BCHE: variants seen among roughly 807,000 people sequenced by gnomAD.
The protein encoded by BCHE is butyrylcholinesterase.
In BCHE, 48 loss-of-function variants were observed where a neutral mutation model predicts 51.3. The ratio of observed to expected loss-of-function variants is 0.94; its 90% CI spans 0.74 to 1.19. BCHE has a LOEUF of 1.19. Among genes scored for constraint, BCHE ranks in the 50% most tolerant of loss-of-function variants. The pLI is 0.00. For missense variants in BCHE, 847 were observed against 708.2 expected (o/e 1.20, Z -2.23); for synonymous variants, 251 against 238.0 (o/e 1.05, Z -0.50).
chr3:165,811,845 T>C (rs1338877045), intron 2 of BCHE, among the ~76,000 whole-genome samples: 2 of 151,922 alleles, frequency 1.3e-5, no homozygotes, highest in South Asian at 2.1e-4. Flanking sequence ...AGTGACAAGG[T>C]AGCTAGGTGG....
At chr3:165,821,615 T>C (rs1714521230) in intron 2 of BCHE, among the ~76,000 whole-genome samples, 1 of 151,940 alleles carries the variant, frequency 6.6e-6, no homozygotes, top group Admixed American at 6.6e-5. Flanking sequence ...TTGAGTGTAT[T>C]TCAGGTACTT....
intron 2 of BCHE, among the ~76,000 whole-genome samples, chr3:165,797,983 C>T (rs1295450361): frequency 6.6e-6 from 1 of 152,142 alleles, no homozygotes; most frequent in Non-Finnish European, 1.5e-5. Flanking sequence ...TTCTTGAATT[C>T]AAAGTTATTG....
chr3:165,784,411 A>G (rs1306726859), intron 3 of BCHE, among the ~76,000 whole-genome samples: 1 of 151,970 alleles, frequency 6.6e-6, no homozygotes, highest in Non-Finnish European at 1.5e-5. Context: ...ATCTAATATG[A>G]AAACCTTATT....
At chr3:165,815,012 A>G (rs1043064495) in intron 2 of BCHE, among the ~76,000 whole-genome samples, 2 of 148,882 alleles carry the variant, frequency 1.3e-5, no homozygotes, top group African/African-American at 4.9e-5. Flanking sequence ...TAGTATTAGT[A>G]TTATATTCAT....
At chr3:165,825,711 C>A (rs577977821) in intron 2 of BCHE, among the ~76,000 whole-genome samples, 1 of 151,978 alleles carries the variant, frequency 6.6e-6, no homozygotes, top group Non-Finnish European at 1.5e-5. Flanking sequence ...GCTCACCCCA[C>A]CCCACAACAG....
intron 2 of BCHE, among the ~76,000 whole-genome samples, chr3:165,790,488 C>T (rs766764402): frequency 6.6e-6 from 1 of 152,116 alleles, no homozygotes; most frequent in Non-Finnish European, 1.5e-5. Context: ...ATTGTAATTA[C>T]AGGGCTTTTC....
intron 2 of BCHE, among the ~76,000 whole-genome samples, chr3:165,800,890 A>C (rs1164936645): frequency 6.6e-6 from 1 of 152,170 alleles, no homozygotes; most frequent in Non-Finnish European, 1.5e-5. Flanking sequence ...ATAATAAATA[A>C]ATTGATTAAT....
chr3:165,807,553 T>A (rs1713913913), intron 2 of BCHE, among the ~76,000 whole-genome samples: 1 of 149,592 alleles, frequency 6.7e-6, no homozygotes, highest in Admixed American at 6.6e-5. Flanking sequence ...TTTATTTTTA[T>A]TTATTTATTT....
chr3:165,800,595 C>T (rs1713599430), intron 2 of BCHE, among the ~76,000 whole-genome samples: 1 of 152,232 alleles, frequency 6.6e-6, no homozygotes, highest in East Asian at 1.9e-4. Context: ...CTGCTACTCT[C>T]TCTCTGTATA....
At chr3:165,819,375 G>T (rs1357050548) in intron 2 of BCHE, among the ~76,000 whole-genome samples, 1 of 151,900 alleles carries the variant, frequency 6.6e-6, no homozygotes, top group Non-Finnish European at 1.5e-5. Flanking sequence ...ACCATGCCTG[G>T]CCTAGGTTTT....
rs1712324255 is a variant in BCHE, at chr3:165,773,256, A to G, written c.*126T>C. On this transcript the variant is annotated 3_prime_UTR_variant, in exon 4 of 4. Coordinates refer to ENST00000264381, the MANE Select transcript of BCHE (RefSeq NM_000055.4). The stretch of plus-strand genomic sequence containing the variant: ...ACTAAGTTAAAGATGTGAGGAATCA[A>G]TATTATCCTTCTGGCATTTTTGTTT... 1.1e-6 allele frequency: 1 copy of G among 877,706 alleles called. No homozygotes were observed. Among genetic ancestry groups the G allele is most frequent in the Admixed American group, 2.5e-5 (1 of 39,858 alleles). 54.4% of individuals were successfully genotyped at this position (877,706 alleles called of 1,614,324 possible).
At chr3:165,826,701 A>G (rs3932260) in intron 2 of BCHE, among the ~76,000 whole-genome samples, 144,102 of 152,200 alleles carry the variant, frequency 0.95, 68,286 homozygotes, top group Non-Finnish European at 0.97. Context: ...AAAACATTTC[A>G]TGAATCATGA....
At chr3:165,816,776 C>G (rs906620856) in intron 2 of BCHE, among the ~76,000 whole-genome samples, 24 of 151,956 alleles carry the variant, frequency 1.6e-4, no homozygotes, top group African/African-American at 5.8e-4. Context: ...ACTCCATTCT[C>G]TCTCTACAGT....
chr3:165,798,017 G>A (rs765037008), intron 2 of BCHE, among the ~76,000 whole-genome samples: 2 of 152,096 alleles, frequency 1.3e-5, no homozygotes, highest in African/African-American at 2.4e-5. Context: ...ATTCACTGGA[G>A]GTCCCAACAT....
intron 2 of BCHE, among the ~76,000 whole-genome samples, chr3:165,794,871 A>T (rs1372487204): frequency 6.6e-6 from 1 of 152,150 alleles, no homozygotes; most frequent in Non-Finnish European, 1.5e-5. Flanking sequence ...ATTTTATATT[A>T]TAACATACAA....
intron 2 of BCHE, among the ~76,000 whole-genome samples, chr3:165,803,005 C>T (rs1713727366): frequency 6.6e-6 from 1 of 152,062 alleles, no homozygotes; most frequent in African/African-American, 2.4e-5. Flanking sequence ...TCCCAAAGTG[C>T]TGGGATTACA....
At chr3:165,777,839 T>C (rs1053567882) in intron 3 of BCHE, 6 of 430,874 alleles carry the variant, frequency 1.4e-5, no homozygotes, top group Admixed American at 1.2e-4. Context: ...TTTGTGATGA[T>C]CAACTTCCAC....
Position 165,821,619 on chromosome 3 carries a change from G to C in BCHE, c.1517+7898C>G, listed in dbSNP as rs189694050. On this transcript the variant is annotated intron_variant, in intron 2 of 3. Transcript: ENST00000264381. Reference sequence around the variant, plus strand: ...AGAACAAATTATTGAGTGTATTTCAGGTACTTTAATGACGTTATGGCCATC... The same window carrying C: ...AGAACAAATTATTGAGTGTATTTCACGTACTTTAATGACGTTATGGCCATC... Among the ~76,000 whole-genome samples, 33 of 151,936 alleles carry C rather than the reference G, an allele frequency of 2.2e-4. No individual in the cohort carries two copies. The East Asian group carries it at 4.1e-3, about 19-fold the overall frequency.
intron 2 of BCHE, among the ~76,000 whole-genome samples, chr3:165,829,298 A>G (rs949699001): frequency 3.9e-5 from 6 of 152,160 alleles, no homozygotes; most frequent in African/African-American, 1.4e-4. Context: ...AAATCAGAAG[A>G]TATTTTTTAT....
Sources: allele counts gnomAD v4.1 joint callset (sites outside exome capture counted in the v4.1 genomes callset), GRCh38; gene constraint gnomAD v4.1.1; transcripts MANE v1.5; gene names NCBI Gene and HGNC (gene_info 2026-07-23, HGNC 2026-07-21).